ZNF385D: variants seen among roughly 807,000 people sequenced by gnomAD.
ZNF385D encodes the protein zinc finger protein 659.
In ZNF385D, 15 loss-of-function variants were observed where a neutral mutation model predicts 35.8. The observed-to-expected ratio is 0.42, with a 90% CI of 0.28 to 0.64. The LOEUF (loss-of-function observed/expected upper bound fraction) is 0.64, where lower values mean the gene tolerates loss of function less well. Ranked by LOEUF, ZNF385D falls within the 30% of genes least tolerant of loss-of-function variation. The probability of loss-of-function intolerance (pLI) is 0.23; values close to 1 mark genes in which losing one functional copy is unlikely to be tolerated. For synonymous variants in ZNF385D, 212 were observed against 186.8 expected (o/e 1.13, Z -1.10); for missense variants, 474 against 494.6 (o/e 0.96, Z 0.39).
chr3:21,586,573 C>T (rs2063817117), intron 2 of ZNF385D, among the ~76,000 whole-genome samples: 1 of 152,018 alleles, frequency 6.6e-6, no homozygotes, highest in South Asian at 2.1e-4. Flanking sequence ...GAATTAAAGA[C>T]AAATTGAGGA....
At position 21,668,865 on chromosome 3, in the gene ZNF385D, G is replaced by A. The variant is rs1423031936; in HGVS notation, c.23-3837C>T. ...TTAAATAGAAACTATTGCATCTAAG[G>A]TATGAATAAATGTTTATTATTTTAC... On this transcript the variant is annotated intron_variant, in intron 1 of 7. Coordinates refer to ENST00000281523, the MANE Select transcript of ZNF385D (RefSeq NM_024697.3). 2.0e-5 allele frequency among the ~76,000 whole-genome samples: 3 copies of A among 152,126 alleles called. No homozygotes were observed. In the South Asian group the frequency reaches 6.2e-4, roughly 32 times the overall value.
At chr3:22,359,823 A>C (rs75085455) in intron 2 of ZNF385D, among the ~76,000 whole-genome samples, 4,386 of 152,020 alleles carry the variant, frequency 0.029, 216 homozygotes, top group African/African-American at 0.1. Flanking sequence ...TAAACAAATG[A>C]ATTTATAATA....
intron 4 of ZNF385D, among the ~76,000 whole-genome samples, chr3:21,473,560 C>T (rs754598109): frequency 1.3e-5 from 2 of 152,058 alleles, no homozygotes; most frequent in Non-Finnish European, 2.9e-5. Context: ...GCTTGCTTCT[C>T]AAGGTTGTTT....
chr3:21,519,457 G>C (rs1431843979), intron 3 of ZNF385D, among the ~76,000 whole-genome samples: 1 of 152,142 alleles, frequency 6.6e-6, no homozygotes, highest in Non-Finnish European at 1.5e-5. Context: ...CTGAGTGAGG[G>C]AAGCTAATTT....
At chr3:21,573,292 A>G (rs1575218941) in intron 2 of ZNF385D, among the ~76,000 whole-genome samples, 1 of 152,224 alleles carries the variant, frequency 6.6e-6, no homozygotes, top group African/African-American at 2.4e-5. Flanking sequence ...TGTAGAAGAC[A>G]ATATCTGAGT....
intron 2 of ZNF385D, among the ~76,000 whole-genome samples, chr3:22,299,565 T>C (rs546537194): frequency 2.0e-5 from 3 of 151,918 alleles, no homozygotes; most frequent in Non-Finnish European, 2.9e-5. Context: ...ATCTTACAAA[T>C]AGAAAACCCT....
chr3:21,810,326 T>C (rs1416835981), intron 3 of ZNF385D, among the ~76,000 whole-genome samples: 2 of 149,430 alleles, frequency 1.3e-5, no homozygotes, highest in Admixed American at 1.3e-4. Context: ...AAAAGAAAGA[T>C]ATCACCATTA....
intron 2 of ZNF385D, among the ~76,000 whole-genome samples, chr3:22,358,847 C>T (rs1180005127): frequency 6.6e-6 from 1 of 151,526 alleles, no homozygotes. Context: ...ATAATGGATG[C>T]CTAGTGGGGC....
At chr3:22,292,851 A>G (rs1053174575) in intron 2 of ZNF385D, among the ~76,000 whole-genome samples, 11 of 152,090 alleles carry the variant, frequency 7.2e-5, no homozygotes, top group Non-Finnish European at 1.6e-4. Context: ...AGAGAGAGAG[A>G]ATTTTAAGCA....
At chr3:21,745,079 A>T (rs183376088) in intron 1 of ZNF385D, among the ~76,000 whole-genome samples, 53 of 152,182 alleles carry the variant, frequency 3.5e-4, no homozygotes, top group African/African-American at 1.2e-3. Context: ...ACATAGATTA[A>T]ACAACATTTA....
intron 3 of ZNF385D, among the ~76,000 whole-genome samples, chr3:21,519,375 C>T (rs1428451108): frequency 6.6e-6 from 1 of 152,178 alleles, no homozygotes; most frequent in African/African-American, 2.4e-5. Context: ...CTATAAACTT[C>T]ACCATTCCTT....
intron 3 of ZNF385D, among the ~76,000 whole-genome samples, chr3:22,069,155 T>C (rs1361509246): frequency 2.6e-5 from 4 of 152,224 alleles, no homozygotes; most frequent in African/African-American, 9.7e-5. Flanking sequence ...CTCTCCCAAC[T>C]AACTTCTCCT....
At chr3:21,638,596 T>A (rs1229762822) in intron 2 of ZNF385D, among the ~76,000 whole-genome samples, 1 of 152,130 alleles carries the variant, frequency 6.6e-6, no homozygotes, top group Non-Finnish European at 1.5e-5. Context: ...TATTTATCTC[T>A]GACCTAGAAT....
intron 3 of ZNF385D, among the ~76,000 whole-genome samples, chr3:21,759,459 TA>T (rs1221837350): frequency 6.6e-6 from 1 of 152,126 alleles, no homozygotes; most frequent in Non-Finnish European, 1.5e-5. Flanking sequence ...GAAAAAGGCT[TA>T]AATTTTATTT....
chr3:21,875,993 T>C (rs907630726), intron 3 of ZNF385D, among the ~76,000 whole-genome samples: 8 of 152,160 alleles, frequency 5.3e-5, no homozygotes, highest in Non-Finnish European at 8.8e-5. Context: ...CAGTTCTCAA[T>C]GGATTAGAAA....
chr3:22,028,363 C>T (rs569479755), intron 3 of ZNF385D, among the ~76,000 whole-genome samples: 6 of 152,306 alleles, frequency 3.9e-5, no homozygotes, highest in Admixed American at 3.9e-4. Flanking sequence ...GCCATGGTGG[C>T]AGGGATGGAG....
At chr3:22,102,047 G>T (rs747803459) in intron 3 of ZNF385D, among the ~76,000 whole-genome samples, 1 of 151,504 alleles carries the variant, frequency 6.6e-6, no homozygotes, top group Non-Finnish European at 1.5e-5. Flanking sequence ...TGTGGTTTCT[G>T]TGGTAAAGTG....
intron 3 of ZNF385D, among the ~76,000 whole-genome samples, chr3:21,841,082 A>G (rs1171428010): frequency 6.6e-6 from 1 of 152,050 alleles, no homozygotes; most frequent in Non-Finnish European, 1.5e-5. Flanking sequence ...TTTCATGAGA[A>G]AAGAATCGTC....
At chr3:21,977,187 CTGCTAGGGG>C (rs1287705762) in intron 3 of ZNF385D, among the ~76,000 whole-genome samples, 1 of 152,106 alleles carries the variant, frequency 6.6e-6, no homozygotes, top group African/African-American at 2.4e-5. Context: ...CACTGTGGGG[CTGCTAGGGG>C]TGTTGGTAAT....
Sources: allele counts gnomAD v4.1 joint callset (sites outside exome capture counted in the v4.1 genomes callset), GRCh38; gene constraint gnomAD v4.1.1; transcripts MANE v1.5; gene names NCBI Gene and HGNC (gene_info 2026-07-23, HGNC 2026-07-21).